Variants in NKAPL observed in about 807,000 individuals in gnomAD.
NKAPL encodes NFKB activating protein like.
Under a neutral mutation model 14.7 loss-of-function variants are expected in NKAPL, and 7 were observed. That is an observed-to-expected ratio of 0.48 (90% CI 0.27 to 0.89). The LOEUF is 0.89. Among genes scored for constraint, NKAPL ranks in the 40% least tolerant of loss-of-function variants. NKAPL has a pLI of 0.12. For missense variants in NKAPL, 466 were observed against 494.1 expected, an observed-to-expected ratio of 0.94 and a Z score of 0.54; for synonymous variants, 192 against 179.9, an observed-to-expected ratio of 1.07 and a Z score of -0.54.
In NKAPL at chr6:28,259,301, C is replaced by T. The variant is rs1761281998; in HGVS notation, c.-71C>T. 1.5e-6 allele frequency: 2 copies of T among 1,355,456 alleles called. No individual in the cohort carries two copies. Among genetic ancestry groups the T allele is most frequent in the Non-Finnish European group, 2.0e-6 (2 of 999,034 alleles). 84.0% of individuals were successfully genotyped at this position (1,355,456 alleles called of 1,614,324 possible). A position where few individuals can be genotyped will look rare whatever the true frequency, so the allele number is the denominator to read the frequency against. On this transcript the variant is annotated 5_prime_UTR_variant, in exon 1 of 1. Coordinates refer to ENST00000343684, the MANE Select transcript of NKAPL (RefSeq NM_001007531.3). ...CGTGCGTGGGAGGCCGATTCTAGTG[C>T]GCCTGCGTGGCCGCGAATCACCAGC... is the stretch of plus-strand genomic sequence containing the variant.
chr6:28,260,598 AG>A lies in NKAPL; in HGVS notation c.*19del, dbSNP rs778948262. On this transcript the variant is annotated 3_prime_UTR_variant, in exon 1 of 1. Transcript: ENST00000343684. ...ACAAGTAAGGACTTACTTGTTGCAC[AG>A]CAGGAATTTTAACAACAAAAATTTT... 3.8e-6 allele frequency: 6 copies of A among 1,592,588 alleles called. No individual in the cohort carries two copies. Among genetic ancestry groups the A allele is most frequent in the Non-Finnish European group, 5.1e-6 (6 of 1,170,868 alleles).
rs1413593355 is a variant in NKAPL, at chr6:28,259,376, C to T, written c.5C>T (p.Pro2Leu). ...CCCAGCGTTGAGGCGCGGCTCATGC[C>T]CCCAGTATCCCGGTCCAGCTATTCC... Reference protein sequence around the residue: MPPVSRSSYSED... With the variant: MLPVSRSSYSED... The change falls in exon 1 of 1, where the codon CCC becomes CTC. Residue 2 changes from proline to leucine, a missense_variant. By Grantham distance (98) the Pro-to-Leu change is moderately conservative. Transcript: ENST00000343684. 10 of 1,573,558 alleles carry T rather than the reference C, an allele frequency of 6.4e-6. No individual in the cohort carries two copies. In the East Asian group the frequency reaches 1.1e-4, roughly 18 times the overall value.
At position 28,260,392 on chromosome 6, in the gene NKAPL, A is replaced by C. The variant is rs764475249; in HGVS notation, c.1021A>C (p.Met341Leu). ...IGSFECSGYV[M>L]SGSRHRRMEA... The stretch of plus-strand genomic sequence containing the variant: ...TTCTTTTGAATGCTCAGGTTATGTC[A>C]TGAGTGGTAGCAGGCATCGCAGAAT... Residue 341 changes from methionine (M) to leucine (L), a missense_variant, in exon 1 of 1, where the codon ATG becomes CTG. By Grantham distance (15) the Met-to-Leu change is conservative. Transcript: ENST00000343684. 14 of 1,614,094 alleles carry C rather than the reference A, an allele frequency of 8.7e-6. No individual in the cohort carries two copies. The East Asian group carries it at 2.9e-4, about 33-fold the overall frequency.
rs764759346 is a variant in NKAPL, at chr6:28,260,597, C to T, written c.*17C>T. The T allele has an allele frequency of 9.8e-5, 156 of 1,593,216 alleles. No homozygotes were observed. The highest frequency in any genetic ancestry group is 1.2e-4 in the Non-Finnish European group (137 of 1,171,122). On this transcript the variant is annotated 3_prime_UTR_variant, in exon 1 of 1. Transcript: ENST00000343684. Reference sequence around the variant, plus strand: ...GACAAGTAAGGACTTACTTGTTGCACAGCAGGAATTTTAACAACAAAAATT... The same window carrying T: ...GACAAGTAAGGACTTACTTGTTGCATAGCAGGAATTTTAACAACAAAAATT...
rs1021879879 is a variant in NKAPL at position 28,259,684 on chromosome 6, C to T, written c.313C>T (p.Arg105Trp). 5.0e-6 allele frequency: 8 copies of T among 1,614,184 alleles called. No individual in the cohort carries two copies. Among genetic ancestry groups the T allele is most frequent in the East Asian group, 4.5e-5 (2 of 44,884 alleles). The part of the protein sequence containing the change: ...RYHRHCYAEE[R>W]QSAEDYEKEE... ...CCATCGTCACTGCTATGCAGAAGAA[C>T]GGCAGTCAGCGGAAGACTACGAGAA... The change falls in exon 1 of 1, where the codon CGG becomes TGG. Residue 105 changes from arginine to tryptophan, a missense_variant. Coordinates refer to ENST00000343684, the MANE Select transcript of NKAPL (RefSeq NM_001007531.3).
Position 28,259,955 on chromosome 6 carries a change from AAAG to A in NKAPL, c.587_589del (p.Arg196del), listed in dbSNP as rs1761305044. Reference sequence around the variant, plus strand: ...AAAAAAAGAAAGAATAAGTCGTCTAAAAGAAAGCATAGGAAATATTCTGATAGT... The same window carrying A: ...AAAAAAAGAAAGAATAAGTCGTCTAAAAAGCATAGGAAATATTCTGATAGT... On this transcript the variant is annotated inframe_deletion, in exon 1 of 1. Coordinates refer to ENST00000343684, the MANE Select transcript of NKAPL (RefSeq NM_001007531.3). The A allele has an allele frequency of 6.2e-7, 1 of 1,609,508 alleles. No individual in the cohort carries two copies. Among genetic ancestry groups the A allele is most frequent in the Admixed American group, 1.7e-5 (1 of 58,902 alleles).
Position 28,260,701 on chromosome 6 carries a change from C to T in NKAPL, c.*121C>T, listed in dbSNP as rs1183136949. On this transcript the variant is annotated 3_prime_UTR_variant, in exon 1 of 1. Coordinates refer to ENST00000343684, the MANE Select transcript of NKAPL (RefSeq NM_001007531.3). ...TAGTAAGTCCCTCAGGAAAAAGCTT[C>T]TTTTGAGATATCTTTAGCAGCTTAT... 1 of 1,227,180 alleles carries T rather than the reference C, an allele frequency of 8.1e-7. No homozygotes were observed. The highest frequency in any genetic ancestry group is 1.1e-6 in the Non-Finnish European group (1 of 902,292). The allele number at this position is 1,227,180 out of a possible 1,614,324, so 76.0% of individuals were successfully genotyped here.
rs1761319267 is a variant in NKAPL, at chr6:28,260,361, GAT to G, written c.991_992del (p.Ile331ArgfsTer4). 1 of 1,614,148 alleles carries G rather than the reference GAT, an allele frequency of 6.2e-7. No homozygotes were observed. The highest frequency in any genetic ancestry group is 8.5e-7 in the Non-Finnish European group (1 of 1,180,024). ...RGEIGLTSEE[I>X]GSFECSGYVM... ...GTGAAATTGGGTTGACAAGTGAAGAGATCGGTTCTTTTGAATGCTCAGGTTAT... is the reference window on the plus strand; with the variant it reads ...GTGAAATTGGGTTGACAAGTGAAGAGCGGTTCTTTTGAATGCTCAGGTTAT... On this transcript the variant is annotated frameshift_variant, in exon 1 of 1. Transcript: ENST00000343684. LOFTEE classifies it high-confidence loss of function.
chr6:28,259,560 T>A lies in NKAPL; in HGVS notation c.189T>A (p.Leu63=). ...PPWSELDVGA[L]YPFSRSGSRG... ...GGAGTGAGTTGGACGTGGGCGCTCT[T>A]TACCCCTTTAGTCGCTCTGGGTCGC... Residue 63 remains leucine (L), a synonymous_variant, in exon 1 of 1, where the codon CTT becomes CTA. Transcript: ENST00000343684. 6.2e-7 allele frequency: 1 copy of A among 1,614,082 alleles called. No individual in the cohort carries two copies. Among genetic ancestry groups the A allele is most frequent in the South Asian group, 1.1e-5 (1 of 91,086 alleles).
Position 28,260,223 on chromosome 6 carries a change from A to AAG in NKAPL, c.853_854insGA (p.Ile285ArgfsTer11), listed in dbSNP as rs1232544212. ...ATTTAATAGGGCCAGAAGCACCTAT[A>AAG]ATACATACCTCTCAAGATGAAAAAC... On this transcript the variant is annotated frameshift_variant, in exon 1 of 1. Coordinates refer to ENST00000343684, the MANE Select transcript of NKAPL (RefSeq NM_001007531.3). LOFTEE classifies it high-confidence loss of function. 1.9e-6 allele frequency: 3 copies of AAG among 1,614,188 alleles called. No individual in the cohort carries two copies. Among genetic ancestry groups the AAG allele is most frequent in the Non-Finnish European group, 2.5e-6 (3 of 1,180,008 alleles).
Position 28,260,789 on chromosome 6 carries a change from A to G in NKAPL, c.*209A>G, listed in dbSNP as rs1761331209. 3.9e-6 allele frequency: 2 copies of G among 515,984 alleles called. No homozygotes were observed. Among genetic ancestry groups the G allele is most frequent in the South Asian group, 6.6e-5 (2 of 30,438 alleles). The allele number at this position is 515,984 out of a possible 1,614,324, so 32.0% of individuals were successfully genotyped here. A position where few individuals can be genotyped will look rare whatever the true frequency, so the allele number is the denominator to read the frequency against. On this transcript the variant is annotated 3_prime_UTR_variant, in exon 1 of 1. Transcript: ENST00000343684. ...ATGGTTTTAAAAATATTCAACCATT[A>G]TAGGAGGAGAGTTAGTAAAAAGTGA...
At position 28,260,005 on chromosome 6, in the gene NKAPL, A is replaced by T. The variant is rs1353446544; in HGVS notation, c.634A>T (p.Thr212Ser). The T allele has an allele frequency of 1.2e-6, 2 of 1,602,790 alleles. No homozygotes were observed. Among genetic ancestry groups the T allele is most frequent in the Non-Finnish European group, 1.7e-6 (2 of 1,177,158 alleles). ...TAGTGACAGTAACTCAGAGTCTGAC[A>T]CAAATTCTGACTCTGATGATGATAA... The part of the protein sequence containing the change: ...SDSDSNSESD[T>S]NSDSDDDKKR... Residue 212 changes from threonine to serine, a missense_variant, in exon 1 of 1, where the codon ACA becomes TCA. Thr to Ser is a moderately conservative substitution (Grantham distance 58). Coordinates refer to ENST00000343684, the MANE Select transcript of NKAPL (RefSeq NM_001007531.3).
Sources: allele counts gnomAD v4.1 joint callset, GRCh38; gene constraint gnomAD v4.1.1; transcripts MANE v1.5; gene names NCBI Gene and HGNC (gene_info 2026-07-23, HGNC 2026-07-21).